GNB4: variants seen among roughly 807,000 people sequenced by gnomAD.
The protein encoded by GNB4 is G protein subunit beta 4, also known as guanine nucleotide-binding protein subunit beta-4.
In GNB4, 28 loss-of-function variants were observed where a neutral mutation model predicts 45.2. The ratio of observed to expected loss-of-function variants is 0.62; its 90% CI spans 0.46 to 0.85. The LOEUF (loss-of-function observed/expected upper bound fraction) is 0.85. Among genes scored for constraint, GNB4 ranks in the 40% least tolerant of loss-of-function variants. The probability of loss-of-function intolerance (pLI) is 0.00; values close to 1 mark genes in which losing one functional copy is unlikely to be tolerated. For synonymous variants in GNB4, 132 were observed against 143.7 expected (o/e 0.92, Z 0.58); for missense variants, 321 against 425.4 (o/e 0.75, Z 2.16).
chr3:179,442,280 T>A (rs1420647216), intron 1 of GNB4, among the ~76,000 whole-genome samples: 1 of 152,238 alleles, frequency 6.6e-6, no homozygotes, highest in African/African-American at 2.4e-5. Context: ...TTGAAACTAT[T>A]GTCCATGAAT....
the GNB4 span, among the ~76,000 whole-genome samples, chr3:179,485,723 T>C: frequency 6.6e-6 from 1 of 151,006 alleles, no homozygotes; most frequent in Non-Finnish European, 1.5e-5. Flanking sequence ...GGTGGCTTAC[T>C]TGAGCTCAGG....
At chr3:179,413,641 A>G in intron 7 of GNB4, 28 bp from the exon 8 acceptor site, 1 of 1,612,850 alleles carries the variant, frequency 6.2e-7, no homozygotes, top group Non-Finnish European at 8.5e-7. Context: ...ATTTCATGAC[A>G]ATTACTTCTT....
At chr3:179,488,186 C>T in the GNB4 span, among the ~76,000 whole-genome samples, 4 of 152,274 alleles carry the variant, frequency 2.6e-5, no homozygotes, top group Middle Eastern at 3.4e-3. Context: ...ATAAGACTAC[C>T]GACCATGGAC....
chr3:179,425,625 C>G (rs1334507252), intron 2 of GNB4, among the ~76,000 whole-genome samples: 5 of 152,044 alleles, frequency 3.3e-5, no homozygotes, highest in Non-Finnish European at 7.4e-5. Flanking sequence ...TGTGCACCAC[C>G]ACGCCTGGCT....
upstream of GNB4, among the ~76,000 whole-genome samples, chr3:179,454,680 G>T (rs1313913864): frequency 1.3e-5 from 2 of 152,120 alleles, no homozygotes; most frequent in Admixed American, 1.3e-4. Context: ...CTCAGACGAT[G>T]CCAAGCACAC....
At chr3:179,525,490 G>A in the GNB4 span, among the ~76,000 whole-genome samples, 1 of 151,528 alleles carries the variant, frequency 6.6e-6, no homozygotes, top group Non-Finnish European at 1.5e-5. Flanking sequence ...GCAGCCCTGG[G>A]CTGCAGTGTG....
chr3:179,473,288 A>T, the GNB4 span, among the ~76,000 whole-genome samples: 1 of 114,684 alleles, frequency 8.7e-6, no homozygotes, highest in Non-Finnish European at 2.0e-5. Context: ...TTACTGAAGG[A>T]ATTTTTTTTT....
chr3:179,417,980 C>T (rs1025183665), intron 4 of GNB4, among the ~76,000 whole-genome samples: 7 of 152,054 alleles, frequency 4.6e-5, no homozygotes, highest in African/African-American at 1.2e-4. Flanking sequence ...ATTGATAACA[C>T]GGATGGGTGG....
chr3:179,434,080 C>T (rs1304271850), intron 1 of GNB4, among the ~76,000 whole-genome samples: 1 of 152,194 alleles, frequency 6.6e-6, no homozygotes, highest in Non-Finnish European at 1.5e-5. Context: ...AAGGTGACGA[C>T]ACGTATCTTT....
intron 9 of GNB4, among the ~76,000 whole-genome samples, chr3:179,402,086 G>C (rs763597357): frequency 6.6e-6 from 1 of 152,140 alleles, no homozygotes; most frequent in Non-Finnish European, 1.5e-5. Context: ...AGTTCATCTT[G>C]TAACTCTTAA....
At chr3:179,421,888 T>C (rs1714991618) in intron 2 of GNB4, among the ~76,000 whole-genome samples, 1 of 152,250 alleles carries the variant, frequency 6.6e-6, no homozygotes, top group Non-Finnish European at 1.5e-5. Flanking sequence ...CCCACTTTCC[T>C]ATAATGAAGA....
rs542609548 is a variant in GNB4 at position 179,450,662 on chromosome 3, T to C, written c.-43+684A>G. Among the ~76,000 whole-genome samples, 131 of 152,308 alleles carry C rather than the reference T, an allele frequency of 8.6e-4. 3 individuals carry two copies. Among genetic ancestry groups the C allele is most frequent in the Admixed American group, 8.0e-3 (122 of 15,306 alleles). ...CAAATGAAAGCCTGGTTTCAAACTTTTGAAAATTCAACGTTCCCTTAGCGA... is the reference window on the plus strand; with the variant it reads ...CAAATGAAAGCCTGGTTTCAAACTTCTGAAAATTCAACGTTCCCTTAGCGA... On this transcript the variant is annotated intron_variant, in intron 1 of 9. Transcript: ENST00000232564.
chr3:179,509,546 A>C, the GNB4 span, among the ~76,000 whole-genome samples: 64 of 152,116 alleles, frequency 4.2e-4, 2 homozygotes, highest in Admixed American at 3.3e-4. Context: ...CCACGTAGAC[A>C]ACTCAATATG....
At chr3:179,420,183 T>C (rs1577031445) in intron 3 of GNB4, among the ~76,000 whole-genome samples, 1 of 150,512 alleles carries the variant, frequency 6.6e-6, no homozygotes, top group Admixed American at 6.6e-5. Context: ...TGGGCTGGAA[T>C]GCAGTAGGGA....
At chr3:179,423,537 A>G (rs1254956760) in intron 2 of GNB4, among the ~76,000 whole-genome samples, 1 of 151,930 alleles carries the variant, frequency 6.6e-6, no homozygotes, top group African/African-American at 2.4e-5. Flanking sequence ...TAATCCCAGC[A>G]CTTTGGGAGG....
chr3:179,507,276 G>A, the GNB4 span, among the ~76,000 whole-genome samples: 1 of 152,080 alleles, frequency 6.6e-6, no homozygotes, highest in Non-Finnish European at 1.5e-5. Flanking sequence ...CAATGTCCAG[G>A]CTGATCTTTT....
the GNB4 span, among the ~76,000 whole-genome samples, chr3:179,470,273 G>T: frequency 1.3e-5 from 2 of 152,076 alleles, no homozygotes; most frequent in East Asian, 3.8e-4. Flanking sequence ...AGGTCTTTCA[G>T]GAGGTATTCC....
the GNB4 span, among the ~76,000 whole-genome samples, chr3:179,523,119 T>C: frequency 3.9e-5 from 6 of 152,102 alleles, no homozygotes; most frequent in African/African-American, 1.4e-4. Flanking sequence ...TAACCATGCC[T>C]AGGAAGGAAA....
the GNB4 span, among the ~76,000 whole-genome samples, chr3:179,514,641 A>G: frequency 1.3e-5 from 2 of 152,214 alleles, no homozygotes; most frequent in Non-Finnish European, 2.9e-5. Context: ...TGGGTGTCCT[A>G]TACGAAGAAG....
Sources: gnomAD v4.1 joint callset for allele counts (sites outside exome capture counted in the v4.1 genomes callset) on GRCh38, gnomAD v4.1.1 for gene constraint, MANE v1.5 for transcripts, NCBI Gene and HGNC (gene_info 2026-07-23, HGNC 2026-07-21) for gene names.